Variants in PSTPIP1 observed in about 807,000 individuals in gnomAD.
The protein encoded by PSTPIP1 is proline-serine-threonine phosphatase-interacting protein 1.
A neutral mutation model predicts 69.6 loss-of-function variants in PSTPIP1; 66 were observed. The observed-to-expected ratio is 0.95, with a 90% CI of 0.78 to 1.16. PSTPIP1 has a LOEUF of 1.16. PSTPIP1 is among the 50% of genes most tolerant of loss of function. The pLI, the probability that PSTPIP1 is intolerant of heterozygous loss-of-function variation, is 0.00. For synonymous variants in PSTPIP1, 266 were observed against 222.7 expected (o/e 1.19, Z -1.73); for missense variants, 603 against 557.4 (o/e 1.08, Z -0.82).
At position 77,037,439 on chromosome 15, in the gene PSTPIP1, C is replaced by T. The variant is rs904908624; in HGVS notation, c.*263C>T. On this transcript the variant is annotated 3_prime_UTR_variant, in exon 15 of 15. Transcript: ENST00000558012. ...GAAGGAGCCTGGATGTGGAGCTCCC[C>T]AACTCAGCCGAGGCTTCAGCTATAG... is the stretch of plus-strand genomic sequence containing the variant. The T allele has an allele frequency of 1.6e-5, 6 of 368,956 alleles. No individual in the cohort carries two copies. The Admixed American group carries it at 2.3e-4, about 14-fold the overall frequency. 22.9% of individuals were successfully genotyped at this position (368,956 alleles called of 1,614,324 possible). A position where few individuals can be genotyped will look rare whatever the true frequency, so the allele number is the denominator to read the frequency against.
Position 77,018,226 on chromosome 15 carries a change from A to G in PSTPIP1, c.115A>G (p.Met39Val), listed in dbSNP as rs2076089652. 1.3e-6 allele frequency: 2 copies of G among 1,584,798 alleles called. No individual in the cohort carries two copies. The highest frequency in any genetic ancestry group is 8.6e-7 in the Non-Finnish European group (1 of 1,166,428). ...LLDGRKMCKD[M>V]EELLRQRAQA... ...GGATGGCAGGAAGATGTGCAAAGAC[A>G]TGGAGGAGCTACTGAGGCAGAGGTG... Residue 39 changes from methionine (M) to valine (V), a missense_variant, in exon 2 of 15, where the codon ATG (methionine) becomes GTG (valine). Physicochemically the swap from Met to Val is conservative, Grantham distance 21 (BLOSUM62 1). Coordinates refer to ENST00000558012, the MANE Select transcript of PSTPIP1 (RefSeq NM_003978.5).
At chr15:77,006,979 A>G (rs1400102834) in intron 1 of PSTPIP1, among the ~76,000 whole-genome samples, 1 of 152,188 alleles carries the variant, frequency 6.6e-6, no homozygotes, top group Non-Finnish European at 1.5e-5. Flanking sequence ...GAGGAGACTG[A>G]GGCCTGGACC....
Position 77,025,602 on chromosome 15 carries a change from A to C in PSTPIP1, c.352A>C (p.Lys118Gln), listed in dbSNP as rs1000642747. The change falls in exon 5 of 15, where the codon AAG becomes CAG. Residue 118 changes from lysine (K) to glutamine (Q), a missense_variant and splice_region_variant. Lys to Gln is a moderately conservative substitution (Grantham distance 53). Coordinates refer to ENST00000558012, the MANE Select transcript of PSTPIP1 (RefSeq NM_003978.5). Reference protein sequence around the residue: ...FRERQKEQRKKYEAVMDRVQK... With the variant: ...FRERQKEQRKQYEAVMDRVQK... ...TGAGAGGCAGAAGGAGCAGAGGAAG[A>C]AGGTGAGGCAGGTGCAGGGGGCGGG... 16 of 1,543,338 alleles carry C rather than the reference A, an allele frequency of 1.0e-5. No individual in the cohort carries two copies. Among genetic ancestry groups the C allele is most frequent in the Non-Finnish European group, 1.4e-5 (16 of 1,140,524 alleles).
Position 77,027,561 on chromosome 15 carries a change from G to A in PSTPIP1, c.355-291G>A, listed in dbSNP as rs1008521791. Among the ~76,000 whole-genome samples, 1 of 152,182 alleles carries A rather than the reference G, an allele frequency of 6.6e-6. No individual in the cohort carries two copies. The highest frequency in any genetic ancestry group is 1.5e-5 in the Non-Finnish European group (1 of 68,024). ...AGAGGCTCAGGGATGCAGGATGAAC[G>A]ACTGTGTGCGCACGTGTGTTGGGGT... is the stretch of plus-strand genomic sequence containing the variant. On this transcript the variant is annotated intron_variant, in intron 5 of 14. Transcript: ENST00000558012. This position sits in a 1 kb window ranked among gnomAD's most constrained non-coding sequence, Gnocchi z 4.3.
intron 5 of PSTPIP1, among the ~76,000 whole-genome samples, chr15:77,026,828 G>C (rs999237913): frequency 3.3e-5 from 5 of 152,258 alleles, no homozygotes; most frequent in African/African-American, 9.6e-5. Context: ...GAACCTGCCA[G>C]GAAGGAGGGA....
At chr15:77,032,775 T>G in intron 11 of PSTPIP1, 87 bp from the exon 12 acceptor site, 1 of 1,183,558 alleles carries the variant, frequency 8.4e-7, no homozygotes, top group Non-Finnish European at 1.2e-6. Flanking sequence ...CAGGGCCAGA[T>G]TGGGAATGTA....
chr15:77,009,598 A>C (rs1038383358), intron 1 of PSTPIP1, among the ~76,000 whole-genome samples: 1 of 152,152 alleles, frequency 6.6e-6, no homozygotes, highest in Admixed American at 6.5e-5. Flanking sequence ...GTTAACATGC[A>C]TGAATCCCCT....
rs372261106 is a variant in PSTPIP1 at position 77,035,921 on chromosome 15, G to A, written c.1105G>A (p.Asp369Asn). ...AGCCCAGGAGTACCGGGCGCTCTAC[G>A]ATTATACAGCGCAGGTGAGGCCTCT... ...SPAQEYRALY[D>N]YTAQNPDELD... Residue 369 changes from aspartate to asparagine, a missense_variant, in exon 14 of 15, where the codon GAT becomes AAT. By Grantham distance (23) the Asp-to-Asn change is conservative. Transcript: ENST00000558012. The A allele has an allele frequency of 3.3e-5, 53 of 1,605,578 alleles. No homozygotes were observed. The African/African-American group carries it at 5.5e-4, about 17-fold the overall frequency.
chr15:77,035,272 G>A (rs2076530528), intron 12 of PSTPIP1, among the ~76,000 whole-genome samples: 1 of 152,214 alleles, frequency 6.6e-6, no homozygotes, highest in African/African-American at 2.4e-5. Flanking sequence ...ATGGCCTGCA[G>A]AGGGCGCCAG....
At position 77,027,753 on chromosome 15, in the gene PSTPIP1, A is replaced by G; in HGVS notation, c.355-99A>G. On this transcript the variant is annotated intron_variant, in intron 5 of 14. Transcript: ENST00000558012. This position sits in a 1 kb window ranked among gnomAD's most constrained non-coding sequence, Gnocchi z 4.3. Reference sequence around the variant, plus strand: ...CTGTCACCCTCTCTCCAGAGCCAGGAGAGGTGCTGCGCCTCATCCCAGGGA... The same window carrying G: ...CTGTCACCCTCTCTCCAGAGCCAGGGGAGGTGCTGCGCCTCATCCCAGGGA... The G allele has an allele frequency of 7.2e-7, 1 of 1,388,260 alleles. No homozygotes were observed. The highest frequency in any genetic ancestry group is 1.0e-6 in the Non-Finnish European group (1 of 1,002,510). 86.0% of individuals were successfully genotyped at this position (1,388,260 alleles called of 1,614,324 possible). A position where few individuals can be genotyped will look rare whatever the true frequency, so the allele number is the denominator to read the frequency against.
Position 77,018,251 on chromosome 15 carries a change from G to A in PSTPIP1, c.137+3G>A, listed in dbSNP as rs755212769. 1 of 1,571,546 alleles carries A rather than the reference G, an allele frequency of 6.4e-7. No individual in the cohort carries two copies. Among genetic ancestry groups the A allele is most frequent in the Non-Finnish European group, 8.6e-7 (1 of 1,159,492 alleles). ...ATGGAGGAGCTACTGAGGCAGAGGTGAGCTGCTGGGCAGGCCATGGGGAGC... is the reference window on the plus strand; with the variant it reads ...ATGGAGGAGCTACTGAGGCAGAGGTAAGCTGCTGGGCAGGCCATGGGGAGC... On this transcript the variant is annotated splice_donor_region_variant and intron_variant, in intron 2 of 14. Coordinates refer to ENST00000558012, the MANE Select transcript of PSTPIP1 (RefSeq NM_003978.5).
intron 1 of PSTPIP1, among the ~76,000 whole-genome samples, chr15:77,005,980 C>T (rs2075807594): frequency 6.6e-6 from 1 of 152,178 alleles, no homozygotes; most frequent in African/African-American, 2.4e-5. Context: ...ACCCTGCTTT[C>T]AATTCTTTTA....
chr15:77,017,079 G>T (rs1046300537), intron 1 of PSTPIP1, among the ~76,000 whole-genome samples: 9 of 152,136 alleles, frequency 5.9e-5, no homozygotes, highest in African/African-American at 1.9e-4. Context: ...CCTTGGTGCA[G>T]TTGGTGACAA....
rs561947187 is a variant in PSTPIP1 at position 77,020,346 on chromosome 15, A to T, written c.212+1815A>T. Among the ~76,000 whole-genome samples, 5 of 152,140 alleles carry T rather than the reference A, an allele frequency of 3.3e-5. No individual in the cohort carries two copies. The South Asian group carries it at 1.0e-3, about 32-fold the overall frequency. On this transcript the variant is annotated intron_variant, in intron 3 of 14. Transcript: ENST00000558012. ...GTCTCTGAGTCCAGGGTCTGTACCT[A>T]TGGAAGGGGATGGTCACTTGGAGAG...
intron 1 of PSTPIP1, among the ~76,000 whole-genome samples, chr15:77,010,482 C>T (rs1034637654): frequency 2.6e-5 from 4 of 152,166 alleles, no homozygotes; most frequent in African/African-American, 7.2e-5. Flanking sequence ...ACCTTACAGA[C>T]ACCTGCTCCA....
At chr15:77,011,407 G>T (rs527997972) in intron 1 of PSTPIP1, among the ~76,000 whole-genome samples, 1 of 152,356 alleles carries the variant, frequency 6.6e-6, no homozygotes, top group African/African-American at 2.4e-5. Context: ...CTGGGACTCG[G>T]CCAGCTGGGC....
chr15:77,007,425 T>A (rs965412086), intron 1 of PSTPIP1, among the ~76,000 whole-genome samples: 1 of 152,036 alleles, frequency 6.6e-6, no homozygotes, highest in Non-Finnish European at 1.5e-5. Flanking sequence ...CTAGGAAGCA[T>A]GGCAAAACCC....
At chr15:77,001,065 C>T (rs548068922) in intron 1 of PSTPIP1, among the ~76,000 whole-genome samples, 12 of 152,290 alleles carry the variant, frequency 7.9e-5, no homozygotes, top group African/African-American at 2.2e-4. Flanking sequence ...TTCATGGCTG[C>T]ACAGTTCTCT....
chr15:77,035,383 A>C, intron 12 of PSTPIP1, 125 bp from the exon 13 acceptor site: 1 of 1,001,092 alleles, frequency 1.0e-6, no homozygotes, highest in Non-Finnish European at 1.5e-6. Flanking sequence ...CCTGGAGGCT[A>C]GGGGCAGTCC....
Sources: gnomAD v4.1 joint callset for allele counts (sites outside exome capture counted in the v4.1 genomes callset) on GRCh38, gnomAD v4.1.1 for gene constraint, Gnocchi (gnomAD v3.1) non-coding constraint, MANE v1.5 for transcripts, NCBI Gene and HGNC (gene_info 2026-07-23, HGNC 2026-07-21) for gene names.